The following CACNA2D3 variants were observed in gnomAD, a reference collection of about 807,000 sequenced individuals.
The protein encoded by CACNA2D3 is calcium voltage-gated channel auxiliary subunit alpha2delta 3, also known as voltage-dependent calcium channel subunit alpha-2/delta-3.
Under a neutral mutation model 160.6 loss-of-function variants are expected in CACNA2D3, and 60 were observed. The ratio of observed to expected loss-of-function variants is 0.37; its 90% CI spans 0.30 to 0.46. The LOEUF (loss-of-function observed/expected upper bound fraction) is 0.46, where lower values mean the gene tolerates loss of function less well. Ranked by LOEUF, CACNA2D3 falls within the 20% of genes least tolerant of loss-of-function variation. The pLI is 1.00. For missense variants in CACNA2D3, 1,205 were observed against 1,365.0 expected (o/e 0.88, Z 1.85); for synonymous variants, 558 against 492.9 (o/e 1.13, Z -1.75).
At chr3:54,235,056 A>T (rs1270827810) in intron 2 of CACNA2D3, among the ~76,000 whole-genome samples, 1 of 152,116 alleles carries the variant, frequency 6.6e-6, no homozygotes, top group African/African-American at 2.4e-5. Context: ...GGTTTCTAAT[A>T]CCATTTCCCT....
intron 13 of CACNA2D3, among the ~76,000 whole-genome samples, chr3:54,803,438 TC>T (rs1703042367): frequency 6.6e-6 from 1 of 152,072 alleles, no homozygotes; most frequent in African/African-American, 2.4e-5. Flanking sequence ...GCCGATGTGA[TC>T]AACTGGAAGA....
chr3:54,867,603 G>C (rs1282062395), intron 17 of CACNA2D3, among the ~76,000 whole-genome samples: 1 of 151,026 alleles, frequency 6.6e-6, no homozygotes, highest in Non-Finnish European at 1.5e-5. Context: ...AAACATCCAA[G>C]GATTTCAGGT....
intron 9 of CACNA2D3, among the ~76,000 whole-genome samples, chr3:54,597,643 GAGT>G (rs1473817273): frequency 6.6e-6 from 1 of 152,150 alleles, no homozygotes; most frequent in Non-Finnish European, 1.5e-5. Context: ...ACAGCTGAAA[GAGT>G]AGGAGCTGAT....
At chr3:54,686,214 A>G (rs936988639) in intron 11 of CACNA2D3, among the ~76,000 whole-genome samples, 10 of 152,142 alleles carry the variant, frequency 6.6e-5, no homozygotes, top group Non-Finnish European at 1.5e-4. Flanking sequence ...ATTCATTTAC[A>G]TATTGTCTGT....
At chr3:54,466,245 G>A (rs968902622) in intron 4 of CACNA2D3, among the ~76,000 whole-genome samples, 2 of 152,146 alleles carry the variant, frequency 1.3e-5, no homozygotes, top group Non-Finnish European at 2.9e-5. Context: ...TCAGAATTCT[G>A]ACTACCACAG....
At chr3:54,832,015 A>ACACAG (rs1703890347) in intron 14 of CACNA2D3, among the ~76,000 whole-genome samples, 135 of 118,742 alleles carry the variant, frequency 1.1e-3, no homozygotes, top group African/African-American at 3.8e-3. Flanking sequence ...TCTCTGTCAC[A>ACACAG]CACACACACA....
chr3:54,646,194 GCTTCCTTC>G (rs1169806180), intron 11 of CACNA2D3, among the ~76,000 whole-genome samples: 137 of 13,456 alleles, frequency 0.01, 5 homozygotes, highest in African/African-American at 0.018. Context: ...CTCCTTCCTT[GCTTCCTTC>G]CTTCCTTCCT....
At chr3:54,780,399 T>C (rs909301796) in intron 13 of CACNA2D3, among the ~76,000 whole-genome samples, 1 of 152,250 alleles carries the variant, frequency 6.6e-6, no homozygotes, top group Non-Finnish European at 1.5e-5. Context: ...AAAAGATTGA[T>C]TGCTTAAGGC....
chr3:54,623,214 T>A (rs1027766294), intron 9 of CACNA2D3, among the ~76,000 whole-genome samples: 3 of 152,196 alleles, frequency 2.0e-5, no homozygotes, highest in Middle Eastern at 3.2e-3. Flanking sequence ...CTGTCCTGGC[T>A]CCTCCATGTG....
rs61735203 is a variant in CACNA2D3 at position 54,918,617 on chromosome 3, C to T, written c.2449+18749C>T. The T allele has an allele frequency of 3.4e-3, 5,507 of 1,614,150 alleles. 148 individuals are homozygous for T. In the African/African-American group the frequency reaches 0.06, roughly 18 times the overall value. On this transcript the variant is annotated intron_variant, in intron 27 of 37. Transcript: ENST00000474759. ...ATGAGACACACAATCCCACACACAACGCCAGTGATGATGACAGTGGCAATG... is the reference window on the plus strand; with the variant it reads ...ATGAGACACACAATCCCACACACAATGCCAGTGATGATGACAGTGGCAATG...
intron 3 of CACNA2D3, among the ~76,000 whole-genome samples, chr3:54,364,100 G>A (rs1156702764): frequency 2.6e-5 from 4 of 152,148 alleles, no homozygotes; most frequent in African/African-American, 9.7e-5. Context: ...TCTCAGAGAG[G>A]GTTTGGTATG....
intron 2 of CACNA2D3, among the ~76,000 whole-genome samples, chr3:54,311,510 C>G (rs1703742686): frequency 6.6e-6 from 1 of 152,184 alleles, no homozygotes; most frequent in Admixed American, 6.5e-5. Flanking sequence ...CTCTTTCTCC[C>G]TGGTGACTGT....
chr3:54,520,709 T>C (rs911010280), intron 5 of CACNA2D3, among the ~76,000 whole-genome samples: 5 of 152,216 alleles, frequency 3.3e-5, no homozygotes, highest in Non-Finnish European at 5.9e-5. Context: ...ACCATTACAT[T>C]TTAGAGCATT....
intron 2 of CACNA2D3, among the ~76,000 whole-genome samples, chr3:54,146,506 G>C (rs985921328): frequency 3.3e-5 from 5 of 152,234 alleles, no homozygotes; most frequent in African/African-American, 1.2e-4. Flanking sequence ...ACTGGCAGGG[G>C]AGCAATGTTT....
At chr3:54,330,447 A>G (rs773379667) in intron 3 of CACNA2D3, among the ~76,000 whole-genome samples, 4 of 152,100 alleles carry the variant, frequency 2.6e-5, no homozygotes, top group Admixed American at 6.6e-5. Flanking sequence ...TTGCTCATAG[A>G]CAGCCCCACT....
chr3:54,406,911 A>G (rs1268053580), intron 4 of CACNA2D3, among the ~76,000 whole-genome samples: 1 of 152,116 alleles, frequency 6.6e-6, no homozygotes, highest in Non-Finnish European at 1.5e-5. Flanking sequence ...GTATATATAT[A>G]TTATACTTTA....
chr3:54,142,950 CCT>C (rs1281384176), intron 2 of CACNA2D3, among the ~76,000 whole-genome samples: 2 of 152,136 alleles, frequency 1.3e-5, no homozygotes, highest in Non-Finnish European at 2.9e-5. Context: ...ATAAGCCATC[CCT>C]CTCCCTGAGT....
At position 54,836,226 on chromosome 3, in the gene CACNA2D3, C is replaced by CTT. The variant is rs71096454; in HGVS notation, c.1399-919_1399-918dup. Among the ~76,000 whole-genome samples, 217 of 92,680 alleles carry CTT rather than the reference C, an allele frequency of 2.3e-3. 2 individuals are homozygous for CTT. Among genetic ancestry groups the CTT allele is most frequent in the African/African-American group, 4.5e-3 (115 of 25,654 alleles). The allele number at this position is 92,680 out of a possible 152,430, so 60.8% of individuals were successfully genotyped here. A position where few individuals can be genotyped will look rare whatever the true frequency, so the allele number is the denominator to read the frequency against. ...TTCAAGGGCCATTCTTTTTTTTTTT[C>CTT]TTTTTTTTTTTTTTTGTTTTTGTTT... On this transcript the variant is annotated intron_variant, in intron 14 of 37. Transcript: ENST00000474759.
At chr3:54,216,306 A>G (rs1559885144) in intron 2 of CACNA2D3, among the ~76,000 whole-genome samples, 1 of 152,254 alleles carries the variant, frequency 6.6e-6, no homozygotes, top group African/African-American at 2.4e-5. Context: ...TCTTCTTGCA[A>G]TAATACACTT....
Sources: gnomAD v4.1 joint callset for allele counts (sites outside exome capture counted in the v4.1 genomes callset) on GRCh38, gnomAD v4.1.1 for gene constraint, MANE v1.5 for transcripts, NCBI Gene and HGNC (gene_info 2026-07-23, HGNC 2026-07-21) for gene names.